ASS1: variants seen among roughly 807,000 people sequenced by gnomAD.
ASS1 encodes argininosuccinate synthase.
ASS1 carries 58 observed loss-of-function variants against 60.5 expected under a neutral mutation model. The observed-to-expected ratio is 0.96, with a 90% CI of 0.78 to 1.19. The LOEUF (loss-of-function observed/expected upper bound fraction) is 1.19. Among genes scored for constraint, ASS1 ranks in the 50% most tolerant of loss-of-function variants. ASS1 has a pLI of 0.00. For synonymous variants in ASS1, 200 were observed against 206.9 expected, an observed-to-expected ratio of 0.97 and a Z score of 0.29; for missense variants, 454 against 547.3, an observed-to-expected ratio of 0.83 and a Z score of 1.70.
At chr9:130,493,149 G>T (rs1260621194) in intron 12 of ASS1, among the ~76,000 whole-genome samples, 1 of 152,174 alleles carries the variant, frequency 6.6e-6, no homozygotes, top group Non-Finnish European at 1.5e-5. Context: ...GGGTCTCGGG[G>T]TGTGTTGGAA....
At chr9:130,481,547 G>C (rs1185318600) in intron 11 of ASS1, among the ~76,000 whole-genome samples, 1 of 152,202 alleles carries the variant, frequency 6.6e-6, no homozygotes, top group East Asian at 1.9e-4. Flanking sequence ...GAAGAAAAGG[G>C]TGGTGGTCCG....
chr9:130,486,794 G>A (rs1005219267), intron 11 of ASS1, among the ~76,000 whole-genome samples: 5 of 152,208 alleles, frequency 3.3e-5, no homozygotes, highest in African/African-American at 1.2e-4. Flanking sequence ...AGTATATCAG[G>A]GGTTTACAGA....
At chr9:130,463,667 G>A (rs1475211022) in intron 4 of ASS1, among the ~76,000 whole-genome samples, 1 of 152,348 alleles carries the variant, frequency 6.6e-6, no homozygotes, top group East Asian at 1.9e-4. Context: ...AGAGGTGACA[G>A]GGTTCCCAAA....
At chr9:130,463,403 G>A (rs953250823) in intron 4 of ASS1, among the ~76,000 whole-genome samples, 1 of 152,224 alleles carries the variant, frequency 6.6e-6, no homozygotes, top group Non-Finnish European at 1.5e-5. Context: ...GGGGTGTTGA[G>A]GTGTCTCCAT....
chr9:130,495,468 CAT>C lies in ASS1; in HGVS notation c.1127+449_1127+450del, dbSNP rs771219451. ...ACATATATATATATATATACACATA[CAT>C]ATACACACACACACACACACACACA... On this transcript the variant is annotated intron_variant, in intron 13 of 14. Coordinates refer to ENST00000352480, the MANE Select transcript of ASS1 (RefSeq NM_054012.4). 3.3e-3 allele frequency among the ~76,000 whole-genome samples: 341 copies of C among 102,260 alleles called. 1 individual carries two copies. The highest frequency in any genetic ancestry group is 8.1e-3 in the Admixed American group (66 of 8,168). The allele number at this position is 102,260 out of a possible 152,430, so 67.1% of individuals were successfully genotyped here.
In ASS1 at chr9:130,479,751, AC is replaced by A. The variant is rs925553792; in HGVS notation, c.726del (p.Thr243ProfsTer12). ...GAAGGTGACCAACGTCAAGGATGGCACCACCCACCAGACCTCCTTGGAGCTC... is the reference window on the plus strand; with the variant it reads ...GAAGGTGACCAACGTCAAGGATGGCACACCCACCAGACCTCCTTGGAGCTC... ...PVKVTNVKDG[T>X]THQTSLELFM... On this transcript the variant is annotated frameshift_variant, in exon 10 of 15. Transcript: ENST00000352480. LOFTEE classifies it high-confidence loss of function. The A allele has an allele frequency of 1.2e-6, 2 of 1,614,054 alleles. No individual in the cohort carries two copies. The highest frequency in any genetic ancestry group is 1.7e-6 in the Non-Finnish European group (2 of 1,180,018).
intron 5 of ASS1, among the ~76,000 whole-genome samples, chr9:130,464,798 C>T (rs763356799): frequency 1.3e-4 from 19 of 151,858 alleles, no homozygotes; most frequent in Admixed American, 6.6e-5. Context: ...ACCTGGCCTG[C>T]GTCCATGCAT....
intron 11 of ASS1, among the ~76,000 whole-genome samples, chr9:130,482,582 G>T (rs550959276): frequency 7.3e-4 from 111 of 152,148 alleles, no homozygotes; most frequent in African/African-American, 2.6e-3. Context: ...CCTGTGGGGT[G>T]GGGCGAGTCA....
chr9:130,492,301 T>C (rs534544613), intron 12 of ASS1, among the ~76,000 whole-genome samples: 6 of 152,312 alleles, frequency 3.9e-5, no homozygotes, highest in African/African-American at 1.4e-4. Flanking sequence ...CCAGGGTCTC[T>C]TCCCAGTCCC....
At chr9:130,452,125 G>T (rs1845340771) in intron 1 of ASS1, 99 bp from the exon 2 acceptor site, 2 of 1,010,248 alleles carry the variant, frequency 2.0e-6, no homozygotes, top group Non-Finnish European at 3.1e-6. Context: ...AGGAGACAAG[G>T]CTGTCCAAGG....
rs1402805288 is a variant in ASS1 at position 130,451,505 on chromosome 9, T to C, written c.-5-719T>C. ...GAGGCGCTCACATTTGGAGACACGA[T>C]GTCTAAAATTCCAGCCAGTGAAGGT... On this transcript the variant is annotated intron_variant, in intron 1 of 14. Coordinates refer to ENST00000352480, the MANE Select transcript of ASS1 (RefSeq NM_054012.4). 3 of 317,176 alleles carry C rather than the reference T, an allele frequency of 9.5e-6. No homozygotes were observed. The Admixed American group carries it at 1.4e-4, about 14-fold the overall frequency. The allele number at this position is 317,176 out of a possible 1,614,324, so 19.6% of individuals were successfully genotyped here. A position where few individuals can be genotyped will look rare whatever the true frequency, so the allele number is the denominator to read the frequency against.
chr9:130,474,713 G>A (rs1313573522), intron 8 of ASS1, among the ~76,000 whole-genome samples: 3 of 152,284 alleles, frequency 2.0e-5, no homozygotes, highest in East Asian at 3.8e-4. Flanking sequence ...CTGTGATGCT[G>A]GCTGGCTCTG....
At chr9:130,462,916 CCT>C (rs1352831407) in intron 4 of ASS1, among the ~76,000 whole-genome samples, 3 of 152,180 alleles carry the variant, frequency 2.0e-5, no homozygotes, top group African/African-American at 7.2e-5. Context: ...AGTGGCTGCA[CCT>C]CTCTGAGCTT....
At position 130,489,133 on chromosome 9, in the gene ASS1, G is replaced by A. The variant is rs1024747152; in HGVS notation, c.839-200G>A. Among the ~76,000 whole-genome samples, 65 of 152,306 alleles carry A rather than the reference G, an allele frequency of 4.3e-4. No homozygotes were observed. The highest frequency in any genetic ancestry group is 1.5e-3 in the African/African-American group (63 of 41,566). On this transcript the variant is annotated intron_variant, in intron 11 of 14. Coordinates refer to ENST00000352480, the MANE Select transcript of ASS1 (RefSeq NM_054012.4). This position sits in a 1 kb window ranked among gnomAD's most constrained non-coding sequence, Gnocchi z 4.1. Reference sequence around the variant, plus strand: ...AGACATTTTCTCCACAAGCCGCAGAGTGGACTGTCGTGGCCCCAGCATGAA... The same window carrying A: ...AGACATTTTCTCCACAAGCCGCAGAATGGACTGTCGTGGCCCCAGCATGAA...
chr9:130,471,420 G>GT, intron 7 of ASS1, 65 bp from the exon 8 acceptor site: 1 of 1,579,748 alleles, frequency 6.3e-7, no homozygotes, highest in East Asian at 2.2e-5. Context: ...GGGTGTGTGT[G>GT]TTGGGGGATG....
chr9:130,464,560 T>G (rs2131880177), intron 5 of ASS1, among the ~76,000 whole-genome samples: 1 of 152,190 alleles, frequency 6.6e-6, no homozygotes, highest in African/African-American at 2.4e-5. Flanking sequence ...GTGTCTGGGA[T>G]GCTCAGAGCC....
chr9:130,466,211 G>T (rs983256387), intron 5 of ASS1, among the ~76,000 whole-genome samples: 1 of 152,210 alleles, frequency 6.6e-6, no homozygotes, highest in Non-Finnish European at 1.5e-5. Flanking sequence ...GGGCTCAAGG[G>T]GAATGAGCTT....
chr9:130,458,388 C>G lies in ASS1; in HGVS notation c.175-13C>G. On this transcript the variant is annotated splice_polypyrimidine_tract_variant and intron_variant, in intron 3 of 14. Coordinates refer to ENST00000352480, the MANE Select transcript of ASS1 (RefSeq NM_054012.4). ...CTTGCCTACTTCTTCCTTCTGGGCT[C>G]CTCTTCCCGTAGGTGTTCATTGAGG... 6.2e-7 allele frequency: 1 copy of G among 1,611,972 alleles called. No homozygotes were observed. The highest frequency in any genetic ancestry group is 8.5e-7 in the Non-Finnish European group (1 of 1,179,860).
chr9:130,486,678 C>A (rs1277403758), intron 11 of ASS1, among the ~76,000 whole-genome samples: 1 of 152,200 alleles, frequency 6.6e-6, no homozygotes, highest in East Asian at 1.9e-4. Flanking sequence ...ATGCCGAAGG[C>A]TGCAGCCCCC....
Sources: allele counts gnomAD v4.1 joint callset (sites outside exome capture counted in the v4.1 genomes callset), GRCh38; gene constraint gnomAD v4.1.1; non-coding constraint Gnocchi (gnomAD v3.1); transcripts MANE v1.5; gene names NCBI Gene and HGNC (gene_info 2026-07-23, HGNC 2026-07-21).